Variants in CCDC91 observed in about 807,000 individuals in gnomAD.
CCDC91 encodes the protein coiled-coil domain-containing protein 91.
Under a neutral mutation model 63.2 loss-of-function variants are expected in CCDC91, and 48 were observed. That is an observed-to-expected ratio of 0.76 (90% CI 0.60 to 0.97). The LOEUF (loss-of-function observed/expected upper bound fraction) is 0.97, where lower values mean the gene tolerates loss of function less well. CCDC91 is among the 50% of genes least tolerant of loss of function. The probability of loss-of-function intolerance (pLI) is 0.00; values close to 1 mark genes in which losing one functional copy is unlikely to be tolerated. For missense variants in CCDC91, 500 were observed against 494.6 expected (o/e 1.01, Z -0.10); for synonymous variants, 167 against 165.8 (o/e 1.01, Z -0.06).
chr12:28,545,883 T>C (rs963593178), intron 12 of CCDC91, among the ~76,000 whole-genome samples: 2 of 152,128 alleles, frequency 1.3e-5, no homozygotes, highest in African/African-American at 2.4e-5. Flanking sequence ...TGTTACACAT[T>C]GTGAAATTGT....
At chr12:28,280,277 G>A (rs1177629655) in intron 3 of CCDC91, among the ~76,000 whole-genome samples, 1 of 151,982 alleles carries the variant, frequency 6.6e-6, no homozygotes. Context: ...TATATGTGAA[G>A]AGAAAAAATT....
intron 3 of CCDC91, among the ~76,000 whole-genome samples, chr12:28,284,460 C>G (rs1369406685): frequency 1.3e-5 from 2 of 152,024 alleles, no homozygotes; most frequent in African/African-American, 2.4e-5. Context: ...CAAGACCAGC[C>G]TGACCAACAT....
At position 28,257,264 on chromosome 12, in the gene CCDC91, AT is replaced by A; in HGVS notation, c.30+21del. On this transcript the variant is annotated intron_variant, in intron 2 of 12. Coordinates refer to ENST00000536442, the MANE Select transcript of CCDC91 (RefSeq NM_018318.5). ...TTTTGAGGTATGCACTGTTATTTAC[AT>A]TAGTTTGTTTTAACTTTGTGGGATT... The A allele has an allele frequency of 1.3e-6, 2 of 1,577,798 alleles. No individual in the cohort carries two copies. Among genetic ancestry groups the A allele is most frequent in the Non-Finnish European group, 1.7e-6 (2 of 1,148,808 alleles).
chr12:28,518,724 G>A (rs1230563384), intron 12 of CCDC91, among the ~76,000 whole-genome samples: 1 of 151,898 alleles, frequency 6.6e-6, no homozygotes, highest in Non-Finnish European at 1.5e-5. Flanking sequence ...TGAAATCCTT[G>A]CTTAAGCTAA....
Position 28,362,455 on chromosome 12 carries a change from A to C in CCDC91, c.594A>C (p.Glu198Asp), listed in dbSNP as rs1418330573. The C allele has an allele frequency of 1.3e-6, 2 of 1,591,756 alleles. No individual in the cohort carries two copies. Among genetic ancestry groups the C allele is most frequent in the Middle Eastern group, 1.7e-4 (1 of 6,030 alleles). The change falls in exon 7 of 13, where the codon GAA becomes GAC. Residue 198 changes from glutamate (E) to aspartate (D), a missense_variant. Transcript: ENST00000536442. The part of the protein sequence containing the change: ...YKELQEKHKQ[E>D]LEDMRKAGHE... ...TCTTTCAGGAAAAACATAAACAAGAATTGGAAGACATGAGGAAAGCTGGTC... is the reference window on the plus strand; with the variant it reads ...TCTTTCAGGAAAAACATAAACAAGACTTGGAAGACATGAGGAAAGCTGGTC...
Position 28,298,306 on chromosome 12 carries a change from C to T in CCDC91, c.110-7343C>T, listed in dbSNP as rs377731148. On this transcript the variant is annotated intron_variant, in intron 3 of 12. Coordinates refer to ENST00000536442, the MANE Select transcript of CCDC91 (RefSeq NM_018318.5). ...CTTATTGGTCTGATTAGCAGGATGCCAGAAAGGCTTGCATCTCCAAATTTT... is the reference window on the plus strand; with the variant it reads ...CTTATTGGTCTGATTAGCAGGATGCTAGAAAGGCTTGCATCTCCAAATTTT... Among the ~76,000 whole-genome samples the T allele has an allele frequency of 2.0e-5, 3 of 150,566 alleles. No homozygotes were observed. The East Asian group carries it at 5.8e-4, about 29-fold the overall frequency.
chr12:28,229,632 G>A (rs1342890113), intron 1 of CCDC91, among the ~76,000 whole-genome samples: 1 of 152,166 alleles, frequency 6.6e-6, no homozygotes, highest in Non-Finnish European at 1.5e-5. Flanking sequence ...GTTGAGTTTA[G>A]AACTTAGTAG....
At chr12:28,292,009 G>C (rs1348213375) in intron 3 of CCDC91, among the ~76,000 whole-genome samples, 1 of 152,158 alleles carries the variant, frequency 6.6e-6, no homozygotes, top group Non-Finnish European at 1.5e-5. Flanking sequence ...CAGTTCCTTG[G>C]CCAAATGCGT....
chr12:28,415,948 A>G (rs1195648498), intron 8 of CCDC91, among the ~76,000 whole-genome samples: 1 of 149,246 alleles, frequency 6.7e-6, no homozygotes, highest in Non-Finnish European at 1.5e-5. Context: ...TGTGTCCTGA[A>G]TATTCAGCAC....
At chr12:28,245,452 G>T (rs796180789) in intron 1 of CCDC91, among the ~76,000 whole-genome samples, 1 of 152,000 alleles carries the variant, frequency 6.6e-6, no homozygotes, top group Non-Finnish European at 1.5e-5. Context: ...GATGGCAAAG[G>T]ATTTAAAAAA....
intron 6 of CCDC91, among the ~76,000 whole-genome samples, chr12:28,316,728 G>GT (rs1290421024): frequency 8.7e-5 from 13 of 149,682 alleles, no homozygotes; most frequent in African/African-American, 3.2e-4. Flanking sequence ...ATTTAAGATA[G>GT]TTTTTTTCTC....
At chr12:28,343,517 G>A (rs141318406) in intron 6 of CCDC91, among the ~76,000 whole-genome samples, 192 of 152,026 alleles carry the variant, frequency 1.3e-3, no homozygotes, top group African/African-American at 4.3e-3. Context: ...TGGGGTAAGA[G>A]GTCAAGAGAG....
intron 8 of CCDC91, among the ~76,000 whole-genome samples, chr12:28,401,223 G>A (rs1278412612): frequency 6.6e-6 from 1 of 152,132 alleles, no homozygotes; most frequent in Non-Finnish European, 1.5e-5. Context: ...AGTTCAGCAC[G>A]ATTGCGGAGG....
At chr12:28,521,714 A>C (rs1565516085) in intron 12 of CCDC91, among the ~76,000 whole-genome samples, 5 of 152,194 alleles carry the variant, frequency 3.3e-5, no homozygotes. Context: ...TGGGTTTGTC[A>C]TAAATAGTTC....
rs1367559185 is a variant in CCDC91, at chr12:28,233,023, C to T, written c.-14-24179C>T. 2.7e-5 allele frequency among the ~76,000 whole-genome samples: 4 copies of T among 150,586 alleles called. No individual in the cohort carries two copies. In the Middle Eastern group the frequency reaches 0.01, roughly 395 times the overall value. The stretch of plus-strand genomic sequence containing the variant: ...TTACTGGTTTTTGTTTCAGGGGATA[C>T]ATCTCATGAATTAACTGATTTCCTA... On this transcript the variant is annotated intron_variant, in intron 1 of 12. Transcript: ENST00000536442.
intron 8 of CCDC91, among the ~76,000 whole-genome samples, chr12:28,396,669 T>TGTGGGC (rs1316228801): frequency 6.6e-5 from 10 of 150,720 alleles, no homozygotes; most frequent in Non-Finnish European, 1.5e-4. Context: ...TGTGTGTGTG[T>TGTGGGC]GTGTGTGTGT....
chr12:28,435,528 G>A lies in CCDC91; in HGVS notation c.763-14633G>A, dbSNP rs1477183145. ...TTTTGAAGGTTTGTTTTATGGCTTA[G>A]AATGTGGTCTATGCTAGTGAATGTT... is the stretch of plus-strand genomic sequence containing the variant. On this transcript the variant is annotated intron_variant, in intron 8 of 12. Transcript: ENST00000536442. Among the ~76,000 whole-genome samples the A allele has an allele frequency of 2.6e-5, 4 of 151,762 alleles. No homozygotes were observed. The East Asian group carries it at 7.7e-4, about 29-fold the overall frequency.
At chr12:28,453,608 T>A (rs1296931017) in intron 11 of CCDC91, among the ~76,000 whole-genome samples, 4 of 152,076 alleles carry the variant, frequency 2.6e-5, no homozygotes, top group African/African-American at 9.6e-5. Flanking sequence ...GTAGGTACCA[T>A]CTATGTTAAA....
intron 12 of CCDC91, among the ~76,000 whole-genome samples, chr12:28,535,332 A>G (rs1027381812): frequency 2.0e-5 from 3 of 152,226 alleles, no homozygotes; most frequent in Admixed American, 2.0e-4. Flanking sequence ...ATACCCATGG[A>G]ATGTCTATAT....
Sources: allele counts gnomAD v4.1 joint callset (sites outside exome capture counted in the v4.1 genomes callset), GRCh38; gene constraint gnomAD v4.1.1; transcripts MANE v1.5; gene names NCBI Gene and HGNC (gene_info 2026-07-23, HGNC 2026-07-21).